Variants in TALDO1 observed in about 807,000 individuals in gnomAD.
The protein encoded by TALDO1 is transaldolase 1.
In TALDO1, 29 loss-of-function variants were observed where a neutral mutation model predicts 38.1. The observed-to-expected ratio is 0.76, with a 90% CI of 0.57 to 1.04. The LOEUF (loss-of-function observed/expected upper bound fraction) is 1.04, where lower values mean the gene tolerates loss of function less well. Ranked by LOEUF, TALDO1 falls within the 50% of genes least tolerant of loss-of-function variation. The pLI is 0.00. For synonymous variants in TALDO1, 207 were observed against 176.8 expected, an observed-to-expected ratio of 1.17 and a Z score of -1.36; for missense variants, 499 against 438.1, an observed-to-expected ratio of 1.14 and a Z score of -1.24.
intron 2 of TALDO1, 114 bp downstream of exon 2, chr11:756,116 A>C: frequency 7.0e-7 from 1 of 1,426,358 alleles, no homozygotes; most frequent in Non-Finnish European, 9.4e-7. Context: ...CAAGGGGGGA[A>C]AAAAACCCTA....
At chr11:750,165 C>A (rs1017489986) in intron 1 of TALDO1, among the ~76,000 whole-genome samples, 1 of 152,180 alleles carries the variant, frequency 6.6e-6, no homozygotes, top group Non-Finnish European at 1.5e-5. Flanking sequence ...ACATAGCTGT[C>A]CCATTGTCAC....
chr11:755,912 C>T lies in TALDO1; in HGVS notation c.131C>T (p.Thr44Ile). The change falls in exon 2 of 8, where the codon ACC becomes ATC. Residue 44 changes from threonine (T) to isoleucine (I), a missense_variant. Physicochemically the swap from Thr to Ile is moderately conservative, Grantham distance 89 (BLOSUM62 -1). Transcript: ENST00000319006. The stretch of plus-strand genomic sequence containing the variant: ...GAGTACAAGCCCCAGGATGCTACCA[C>T]CAACCCGTCCCTGATCCTGGCCGCA... ...IDEYKPQDAT[T>I]NPSLILAAAQ... The T allele has an allele frequency of 3.7e-6, 6 of 1,614,192 alleles. No homozygotes were observed. The highest frequency in any genetic ancestry group is 5.1e-6 in the Non-Finnish European group (6 of 1,180,038).
intron 1 of TALDO1, among the ~76,000 whole-genome samples, chr11:754,051 C>G (rs1322502339): frequency 2.0e-5 from 3 of 152,002 alleles, no homozygotes; most frequent in Admixed American, 6.5e-5. Flanking sequence ...GTGGCACAAT[C>G]TCGGCTCACT....
At position 755,886 on chromosome 11, in the gene TALDO1, C is replaced by G. The variant is rs776102808; in HGVS notation, c.105C>G (p.Asp35Glu). Residue 35 changes from aspartate to glutamate, a missense_variant, in exon 2 of 8, where the codon GAC becomes GAG. Physicochemically the swap from Asp to Glu is conservative, Grantham distance 45. Coordinates refer to ENST00000319006, the MANE Select transcript of TALDO1 (RefSeq NM_006755.2). ...TGAAAACTATTTCCCTAGCCATCGA[C>G]GAGTACAAGCCCCAGGATGCTACCA... ...VADTGDFHAI[D>E]EYKPQDATTN... 3 of 1,614,078 alleles carry G rather than the reference C, an allele frequency of 1.9e-6. No homozygotes were observed. The highest frequency in any genetic ancestry group is 2.7e-5 in the African/African-American group (2 of 74,922).
chr11:761,704 C>CATCTCACTTCT (rs1862927019), intron 4 of TALDO1, among the ~76,000 whole-genome samples: 1 of 152,150 alleles, frequency 6.6e-6, no homozygotes, highest in African/African-American at 2.4e-5. Flanking sequence ...TCTGAGATAG[C>CATCTCACTTCT]ATCTCACTTT....
At chr11:756,780 A>G (rs2133574425) in intron 2 of TALDO1, among the ~76,000 whole-genome samples, 1 of 152,276 alleles carries the variant, frequency 6.6e-6, no homozygotes, top group African/African-American at 2.4e-5. Context: ...GGCCTCCCAC[A>G]GTGCTCGGAT....
intron 5 of TALDO1, 29 bp from the exon 6 acceptor site, chr11:763,718 T>C (rs757636298): frequency 2.5e-6 from 4 of 1,612,912 alleles, no homozygotes; most frequent in African/African-American, 1.3e-5. Context: ...TGCCGAAGCC[T>C]TCCTGGTCAC....
intron 4 of TALDO1, among the ~76,000 whole-genome samples, chr11:763,056 C>T (rs948349168): frequency 7.9e-5 from 12 of 152,144 alleles, no homozygotes; most frequent in African/African-American, 2.7e-4. Context: ...ACCCACTATC[C>T]ACTTAGAGCC....
intron 2 of TALDO1, among the ~76,000 whole-genome samples, chr11:756,665 G>A (rs555757229): frequency 2.6e-5 from 4 of 152,114 alleles, no homozygotes; most frequent in East Asian, 3.9e-4. Context: ...ACAGGCATGC[G>A]CCATCACACC....
chr11:755,470 G>A (rs1862819647), intron 1 of TALDO1, among the ~76,000 whole-genome samples: 1 of 152,194 alleles, frequency 6.6e-6, no homozygotes, highest in Admixed American at 6.6e-5. Context: ...CTCTGTTGCA[G>A]CTGGGTATGG....
chr11:755,133 G>GC (rs1301403171), intron 1 of TALDO1, among the ~76,000 whole-genome samples: 9 of 133,694 alleles, frequency 6.7e-5, no homozygotes, highest in African/African-American at 2.2e-4. Context: ...TTTCCCCTTG[G>GC]CCTTTTTTTT....
rs546290830 is a variant in TALDO1, at chr11:755,216, C to G, written c.98-663C>G. ...CTGGAGTGCAGTGGCGCGATCTCGG[C>G]TCACTGCAAGCTCCGCCTACTGGAT... On this transcript the variant is annotated intron_variant, in intron 1 of 7. Coordinates refer to ENST00000319006, the MANE Select transcript of TALDO1 (RefSeq NM_006755.2). 2.8e-5 allele frequency among the ~76,000 whole-genome samples: 4 copies of G among 141,242 alleles called. No homozygotes were observed. In the Admixed American group the frequency reaches 3.1e-4, roughly 11 times the overall value. 92.7% of individuals were successfully genotyped at this position (141,242 alleles called of 152,430 possible).
Position 758,200 on chromosome 11 carries a change from C to T in TALDO1, c.222-750C>T, listed in dbSNP as rs149747690. On this transcript the variant is annotated intron_variant, in intron 2 of 7. Transcript: ENST00000319006. ...TCAGGAGGTTGAGGCAGGAGAATGGCGTGAACCGCGGGGGGCAGAGCTGGC... is the reference window on the plus strand; with the variant it reads ...TCAGGAGGTTGAGGCAGGAGAATGGTGTGAACCGCGGGGGGCAGAGCTGGC... Among the ~76,000 whole-genome samples the T allele has an allele frequency of 3.9e-4, 59 of 152,276 alleles. No homozygotes were observed. In the East Asian group the frequency reaches 0.01, roughly 26 times the overall value.
intron 1 of TALDO1, among the ~76,000 whole-genome samples, chr11:755,528 C>G (rs186825397): frequency 1.3e-5 from 2 of 152,160 alleles, no homozygotes; most frequent in African/African-American, 4.8e-5. Flanking sequence ...TGGCTCATGA[C>G]TAGACCGCGC....
intron 2 of TALDO1, 45 bp downstream of exon 2, chr11:756,047 A>G: frequency 6.3e-7 from 1 of 1,593,430 alleles, no homozygotes; most frequent in South Asian, 1.1e-5. Flanking sequence ...CCCTCGTGCT[A>G]GTCTAGTTGG....
intron 3 of TALDO1, 123 bp downstream of exon 3, chr11:759,180 GGTTT>G: frequency 2.5e-6 from 2 of 813,696 alleles, no homozygotes; most frequent in Non-Finnish European, 4.2e-6. Flanking sequence ...CCCAAGAGGA[GGTTT>G]ATTTTGAGCT....
At chr11:753,892 G>A (rs917538302) in intron 1 of TALDO1, among the ~76,000 whole-genome samples, 4 of 150,766 alleles carry the variant, frequency 2.7e-5, no homozygotes, top group African/African-American at 4.9e-5. Flanking sequence ...GGATGACAGA[G>A]TGAGACTCTG....
chr11:754,164 T>C (rs142190989), intron 1 of TALDO1, among the ~76,000 whole-genome samples: 2,354 of 151,878 alleles, frequency 0.015, 31 homozygotes, highest in Admixed American at 0.026. Context: ...TTTATATTTT[T>C]AGTAGGGACA....
At chr11:758,835 G>C (rs1862885350) in intron 2 of TALDO1, 115 bp from the exon 3 acceptor site, 1 of 694,972 alleles carries the variant, frequency 1.4e-6, no homozygotes, top group South Asian at 1.4e-5. Flanking sequence ...TTGATCTCCT[G>C]ACCTCATGAT....
Sources: allele counts gnomAD v4.1 joint callset (sites outside exome capture counted in the v4.1 genomes callset), GRCh38; gene constraint gnomAD v4.1.1; transcripts MANE v1.5; gene names NCBI Gene and HGNC (gene_info 2026-07-23, HGNC 2026-07-21).